Variants in EFCAB8 observed in about 807,000 individuals in gnomAD.
EFCAB8 encodes the protein EF-hand calcium-binding domain-containing protein 8.
Under a neutral mutation model 116.3 loss-of-function variants are expected in EFCAB8, and 100 were observed. The observed-to-expected ratio is 0.86, with a 90% CI of 0.73 to 1.02. The LOEUF is 1.02. EFCAB8 is among the 50% of genes least tolerant of loss of function. The pLI, the probability that EFCAB8 is intolerant of heterozygous loss-of-function variation, is 0.00. For synonymous variants in EFCAB8, 558 were observed against 567.9 expected, an observed-to-expected ratio of 0.98 and a Z score of 0.25; for missense variants, 1,320 against 1,416.9, an observed-to-expected ratio of 0.93 and a Z score of 1.10.
chr20:32,890,843 A>T (rs889746920), intron 7 of EFCAB8, among the ~76,000 whole-genome samples: 1 of 152,274 alleles, frequency 6.6e-6, no homozygotes, highest in Non-Finnish European at 1.5e-5. Context: ...ACATGACTCC[A>T]GGGTGAGTGT....
chr20:32,895,571 C>T (rs1206042067), intron 9 of EFCAB8, among the ~76,000 whole-genome samples: 66 of 138,518 alleles, frequency 4.8e-4, no homozygotes, highest in African/African-American at 1.6e-3. Flanking sequence ...TTCTTTCTTT[C>T]TTTCTTTTTT....
chr20:32,961,446 C>T lies in EFCAB8; in HGVS notation c.3704C>T (p.Ser1235Phe), dbSNP rs1989148872. 4 of 1,455,990 alleles carry T rather than the reference C, an allele frequency of 2.7e-6. No homozygotes were observed. The highest frequency in any genetic ancestry group is 2.9e-5 in the Admixed American group (1 of 35,022). The allele number at this position is 1,455,990 out of a possible 1,614,324, so 90.2% of individuals were successfully genotyped here. A position where few individuals can be genotyped will look rare whatever the true frequency, so the allele number is the denominator to read the frequency against. The change falls in exon 27 of 27, where the codon TCC becomes TTC. Residue 1235 changes from serine (S) to phenylalanine (F), a missense_variant. Ser to Phe is a radical substitution (Grantham distance 155). Transcript: ENST00000400522. ...TTCTTGCTGCGGCCCCAGTCAGCCT[C>T]CACAGCCCATTCCACCCCCTCGGTC... ...FSFLLRPQSA[S>F]TAHSTPSVPS...
chr20:32,917,325 C>G lies in EFCAB8; in HGVS notation c.1881C>G (p.Leu627=), dbSNP rs1329758698. The change falls in exon 18 of 27, where the codon CTC becomes CTG. Residue 627 remains leucine, a synonymous_variant. Coordinates refer to ENST00000400522, the MANE Select transcript of EFCAB8 (RefSeq NM_001143967.2). The part of the protein sequence containing the change: ...HFLFHKTKPV[L]LCYHWQTYHT... ...GGTTCCACAAGACCAAGCCAGTGCTCTTGTGCTACCACTGGCAGACCTACC... is the reference window on the plus strand; with the variant it reads ...GGTTCCACAAGACCAAGCCAGTGCTGTTGTGCTACCACTGGCAGACCTACC... 1 of 1,551,650 alleles carries G rather than the reference C, an allele frequency of 6.4e-7. No individual in the cohort carries two copies.
chr20:32,916,558 C>G (rs775570107), intron 17 of EFCAB8, among the ~76,000 whole-genome samples: 3 of 152,142 alleles, frequency 2.0e-5, no homozygotes, highest in Non-Finnish European at 4.4e-5. Flanking sequence ...CATGCCTAGC[C>G]TAGGACCTCT....
chr20:32,950,815 AT>A (rs1988775074), intron 23 of EFCAB8, among the ~76,000 whole-genome samples: 2 of 152,076 alleles, frequency 1.3e-5, no homozygotes, highest in African/African-American at 4.8e-5. Flanking sequence ...AAGCTGTCCT[AT>A]TGTATTTTAC....
rs1035500416 is a variant in EFCAB8 at position 32,948,520 on chromosome 20, G to C, written c.2959+4716G>C. On this transcript the variant is annotated intron_variant, in intron 23 of 26. Transcript: ENST00000400522. ...CTGACAAAGACGTTATAAGAAGAAA[G>C]TGAAAAAGAAAGAAAGAAAGAAAGA... 7.6e-5 allele frequency among the ~76,000 whole-genome samples: 7 copies of C among 92,500 alleles called. No individual in the cohort carries two copies. The East Asian group carries it at 2.2e-3, about 29-fold the overall frequency. The allele number at this position is 92,500 out of a possible 152,430, so 60.7% of individuals were successfully genotyped here. A position where few individuals can be genotyped will look rare whatever the true frequency, so the allele number is the denominator to read the frequency against.
intron 6 of EFCAB8, among the ~76,000 whole-genome samples, chr20:32,887,394 G>A (rs1235783154): frequency 1.3e-5 from 2 of 152,118 alleles, no homozygotes; most frequent in Non-Finnish European, 1.5e-5. Context: ...TGGCCACCAT[G>A]GTGAAACCCC....
chr20:32,902,382 AACACAGAG>A (rs537049730), intron 11 of EFCAB8, among the ~76,000 whole-genome samples: 39 of 152,156 alleles, frequency 2.6e-4, no homozygotes, highest in Non-Finnish European at 4.7e-4. Context: ...TACACACACA[AACACAGAG>A]ACACATGTTC....
rs573512438 is a variant in EFCAB8, at chr20:32,867,902, G to C, written c.208+155G>C. Among the ~76,000 whole-genome samples, 3 of 152,004 alleles carry C rather than the reference G, an allele frequency of 2.0e-5. No homozygotes were observed. In the South Asian group the frequency reaches 6.2e-4, roughly 32 times the overall value. On this transcript the variant is annotated intron_variant, in intron 3 of 26. Transcript: ENST00000400522. ...GTCACCCAGTCTGGAGTGCAGTGGT[G>C]TGATCACCACGGCAGCCTCAACCTC...
intron 17 of EFCAB8, among the ~76,000 whole-genome samples, chr20:32,915,565 C>T (rs1158340811): frequency 6.6e-6 from 1 of 152,090 alleles, no homozygotes; most frequent in Non-Finnish European, 1.5e-5. Context: ...TTCTCTGCAT[C>T]TGTCCTCTTT....
At chr20:32,947,775 C>T (rs1302660552) in intron 23 of EFCAB8, among the ~76,000 whole-genome samples, 6 of 151,934 alleles carry the variant, frequency 3.9e-5, no homozygotes, top group Admixed American at 3.9e-4. Flanking sequence ...CCAGCCTCAA[C>T]TTCCACATTA....
At chr20:32,891,452 A>C (rs1020869687) in intron 7 of EFCAB8, among the ~76,000 whole-genome samples, 124 of 152,268 alleles carry the variant, frequency 8.1e-4, no homozygotes, top group African/African-American at 2.8e-3. Context: ...TCCTGACCTC[A>C]GGTGATCCAC....
At chr20:32,923,391 C>G (rs142266811) in intron 20 of EFCAB8, among the ~76,000 whole-genome samples, 1 of 150,002 alleles carries the variant, frequency 6.7e-6, no homozygotes, top group African/African-American at 2.5e-5. Flanking sequence ...GAGGCAGAGG[C>G]AGGAGAATTG....
chr20:32,935,188 C>CTTCTTT (rs1425422102), intron 22 of EFCAB8, among the ~76,000 whole-genome samples: 90 of 66,860 alleles, frequency 1.3e-3, no homozygotes, highest in Non-Finnish European at 2.0e-3. Context: ...TTCTTTCTTT[C>CTTCTTT]TTTCTTTTTT....
intron 5 of EFCAB8, among the ~76,000 whole-genome samples, chr20:32,882,706 G>T (rs1339189604): frequency 2.0e-5 from 3 of 151,334 alleles, no homozygotes; most frequent in Non-Finnish European, 4.4e-5. Context: ...TGTTGTTGTT[G>T]TTGTTTTGAG....
At chr20:32,860,349 A>G (rs1026142808) in intron 1 of EFCAB8, among the ~76,000 whole-genome samples, 9 of 151,994 alleles carry the variant, frequency 5.9e-5, no homozygotes, top group Non-Finnish European at 1.2e-4. Context: ...AATATCCTGT[A>G]ATGTGGGTTT....
chr20:32,920,238 G>A (rs1302757986), intron 20 of EFCAB8, 23 bp downstream of exon 20: 9 of 1,551,160 alleles, frequency 5.8e-6, no homozygotes, highest in Non-Finnish European at 7.8e-6. Context: ...CAGCCAGGGA[G>A]AGGGATATGA....
intron 2 of EFCAB8, 102 bp downstream of exon 2, chr20:32,863,936 A>C: frequency 7.6e-7 from 1 of 1,322,042 alleles, no homozygotes. Flanking sequence ...TGCATCGGGG[A>C]GGGGGTTGCA....
chr20:32,919,772 T>TA (rs1314727513), intron 19 of EFCAB8, among the ~76,000 whole-genome samples: 2 of 152,288 alleles, frequency 1.3e-5, no homozygotes, highest in East Asian at 3.9e-4. Context: ...GTGCTGGAAT[T>TA]ACAGGTGTGA....
Sources: gnomAD v4.1 joint callset for allele counts (sites outside exome capture counted in the v4.1 genomes callset) on GRCh38, gnomAD v4.1.1 for gene constraint, MANE v1.5 for transcripts, NCBI Gene and HGNC (gene_info 2026-07-23, HGNC 2026-07-21) for gene names.